Variants in ARHGEF33 observed in about 807,000 individuals in gnomAD.
The protein encoded by ARHGEF33 is Rho guanine nucleotide exchange factor 33.
A neutral mutation model predicts 101.9 loss-of-function variants in ARHGEF33; 72 were observed. The observed-to-expected ratio is 0.71, with a 90% confidence interval of 0.58 to 0.86. The LOEUF is 0.86. Among genes scored for constraint, ARHGEF33 ranks in the 40% least tolerant of loss-of-function variants. ARHGEF33 has a pLI of 0.00. For missense variants in ARHGEF33, 1,169 were observed against 1,111.3 expected, an observed-to-expected ratio of 1.05 and a Z score of -0.74; for synonymous variants, 499 against 442.5, an observed-to-expected ratio of 1.13 and a Z score of -1.60.
At chr2:38,958,314 T>C (rs1157232237) in intron 15 of ARHGEF33, 116 bp downstream of exon 15, 3 of 1,314,482 alleles carry the variant, frequency 2.3e-6, no homozygotes, top group Non-Finnish European at 3.1e-6. Context: ...CAGGCCTATA[T>C]GTGCCAACCA....
At chr2:38,894,812 A>C (rs1484223856) in intron 1 of ARHGEF33, among the ~76,000 whole-genome samples, 1 of 152,216 alleles carries the variant, frequency 6.6e-6, no homozygotes, top group Non-Finnish European at 1.5e-5. Flanking sequence ...ACAGTCTTTT[A>C]ACTGGGTTTC....
chr2:38,967,431 C>G (rs949374541), intron 17 of ARHGEF33, among the ~76,000 whole-genome samples: 29 of 152,226 alleles, frequency 1.9e-4, no homozygotes, highest in South Asian at 4.1e-4. Flanking sequence ...ACCCACCTTA[C>G]TCAGGATTTG....
Position 38,933,709 on chromosome 2 carries a change from A to G in ARHGEF33, c.506-2066A>G, listed in dbSNP as rs79410313. On this transcript the variant is annotated intron_variant, in intron 7 of 17. Coordinates refer to ENST00000409978, the MANE Select transcript of ARHGEF33 (RefSeq NM_001145451.5). ...TTTATAACCTAATCTTAGAAATGGT[A>G]TTCCATTTTTTCTGTCATATTCTAT... Among the ~76,000 whole-genome samples, 21 of 152,308 alleles carry G rather than the reference A, an allele frequency of 1.4e-4. No individual in the cohort carries two copies. In the East Asian group the frequency reaches 3.9e-3, roughly 28 times the overall value.
At chr2:38,939,117 C>G (rs1455885525) in intron 9 of ARHGEF33, among the ~76,000 whole-genome samples, 1 of 152,064 alleles carries the variant, frequency 6.6e-6, no homozygotes, top group African/African-American at 2.4e-5. Context: ...GGATTACAGG[C>G]GTGCACCACC....
Position 38,960,594 on chromosome 2 carries a change from C to T in ARHGEF33, c.2289C>T (p.Phe763=), listed in dbSNP as rs1176306720. The T allele has an allele frequency of 2.1e-6, 3 of 1,398,466 alleles. No individual in the cohort carries two copies. Among genetic ancestry groups the T allele is most frequent in the East Asian group, 3.8e-5 (1 of 26,428 alleles). 86.6% of individuals were successfully genotyped at this position (1,398,466 alleles called of 1,614,324 possible). The change falls in exon 16 of 18, where the codon TTC becomes TTT. Residue 763 remains phenylalanine (F), a synonymous_variant. Transcript: ENST00000409978. ...AVAARGASRT[F]FPQQRSQSEK... ...CCGCCCGCGGCGCATCCAGGACCTT[C>T]TTCCCCCAACAGAGGTCCCAAAGCG...
At position 38,973,793 on chromosome 2, in the gene ARHGEF33, A is replaced by G. The variant is rs745619158; in HGVS notation, c.2563A>G (p.Arg855Gly). 4 of 1,549,510 alleles carry G rather than the reference A, an allele frequency of 2.6e-6. No homozygotes were observed. Among genetic ancestry groups the G allele is most frequent in the Non-Finnish European group, 2.6e-6 (3 of 1,146,336 alleles). ...TTCACCCACCAAACAAGATTTCTTC[A>G]GAAACCGACTTGCTCTTGCAAATGA... The part of the protein sequence containing the change: ...DPSPTKQDFF[R>G]NRLALANDLD... Residue 855 changes from arginine to glycine, a missense_variant, in exon 18 of 18, where the codon AGA becomes GGA. Arg to Gly is a moderately radical substitution (Grantham distance 125). Transcript: ENST00000409978.
chr2:38,916,378 C>G (rs1356304211), intron 2 of ARHGEF33, among the ~76,000 whole-genome samples: 1 of 152,146 alleles, frequency 6.6e-6, no homozygotes, highest in Non-Finnish European at 1.5e-5. Context: ...AAATGAAGAA[C>G]TTGGATAGAA....
At chr2:38,923,195 G>C (rs1442960124) in intron 4 of ARHGEF33, among the ~76,000 whole-genome samples, 1 of 152,144 alleles carries the variant, frequency 6.6e-6, no homozygotes, top group African/African-American at 2.4e-5. Flanking sequence ...CAAAGCAATG[G>C]AAGTGAAGTT....
intron 10 of ARHGEF33, among the ~76,000 whole-genome samples, chr2:38,946,374 G>A (rs1667451337): frequency 6.6e-6 from 1 of 152,166 alleles, no homozygotes; most frequent in Admixed American, 6.5e-5. Flanking sequence ...TAAGATCATA[G>A]TTATTTCAAG....
rs1212899025 is a variant in ARHGEF33 at position 38,950,995 on chromosome 2, C to T, written c.927C>T (p.Phe309=). The change falls in exon 11 of 18, where the codon TTC becomes TTT. Residue 309 remains phenylalanine (F), a synonymous_variant. Coordinates refer to ENST00000409978, the MANE Select transcript of ARHGEF33 (RefSeq NM_001145451.5). ...GKRNSKERSL[F]PGSLRYLVQQ... ...GTCTCTATTCTGTTTCAAGCCTCTT[C>T]CCTGGCTCTTTACGGTACCTCGTCC... 1 of 1,552,150 alleles carries T rather than the reference C, an allele frequency of 6.4e-7. No homozygotes were observed. Among genetic ancestry groups the T allele is most frequent in the South Asian group, 1.2e-5 (1 of 84,004 alleles).
At chr2:38,966,895 C>G (rs543754329) in intron 17 of ARHGEF33, among the ~76,000 whole-genome samples, 1 of 152,290 alleles carries the variant, frequency 6.6e-6, no homozygotes, top group African/African-American at 2.4e-5. Context: ...CCAGTCCAGC[C>G]ACTGCCTGCC....
intron 2 of ARHGEF33, among the ~76,000 whole-genome samples, chr2:38,918,451 G>C (rs1666683030): frequency 6.6e-6 from 1 of 152,160 alleles, no homozygotes; most frequent in Non-Finnish European, 1.5e-5. Flanking sequence ...GGAGGCATCT[G>C]ATCAAGTCTC....
chr2:38,966,148 G>A lies in ARHGEF33; in HGVS notation c.2483+3G>A. 6.4e-7 allele frequency: 1 copy of A among 1,551,418 alleles called. No homozygotes were observed. The highest frequency in any genetic ancestry group is 8.7e-7 in the Non-Finnish European group (1 of 1,146,920). On this transcript the variant is annotated splice_donor_region_variant and intron_variant, in intron 17 of 17. Coordinates refer to ENST00000409978, the MANE Select transcript of ARHGEF33 (RefSeq NM_001145451.5). Reference sequence around the variant, plus strand: ...TTCCGCAAGCTCTTTAAAAAGAAGTGAGTAGCCCTTAGACAAGACAGCATT... The same window carrying A: ...TTCCGCAAGCTCTTTAAAAAGAAGTAAGTAGCCCTTAGACAAGACAGCATT...
chr2:38,963,776 A>C (rs893261260), intron 16 of ARHGEF33, among the ~76,000 whole-genome samples: 1 of 152,130 alleles, frequency 6.6e-6, no homozygotes, highest in Admixed American at 6.5e-5. Context: ...AGAATTTAGG[A>C]TCATTCGCGG....
At position 38,973,937 on chromosome 2, in the gene ARHGEF33, T is replaced by G. The variant is rs1275066921; in HGVS notation, c.*94T>G. 2.7e-6 allele frequency: 2 copies of G among 735,352 alleles called. No individual in the cohort carries two copies. Among genetic ancestry groups the G allele is most frequent in the East Asian group, 1.2e-4 (2 of 16,268 alleles). 45.6% of individuals were successfully genotyped at this position (735,352 alleles called of 1,614,324 possible). ...ATATATATATATATCTATATCTATA[T>G]ATATATATATATCGATGTATAAATC... On this transcript the variant is annotated 3_prime_UTR_variant, in exon 18 of 18. Transcript: ENST00000409978.
intron 4 of ARHGEF33, among the ~76,000 whole-genome samples, chr2:38,923,475 C>G (rs1279952557): frequency 6.6e-6 from 1 of 152,072 alleles, no homozygotes; most frequent in Admixed American, 6.6e-5. Context: ...CTGGATAGAT[C>G]TTATCCCATC....
At chr2:38,945,925 C>G (rs866919194) in intron 10 of ARHGEF33, among the ~76,000 whole-genome samples, 1 of 152,174 alleles carries the variant, frequency 6.6e-6, no homozygotes, top group Non-Finnish European at 1.5e-5. Context: ...GGGATTCAAA[C>G]GCAAGCCTGC....
chr2:38,959,587 T>G, intron 15 of ARHGEF33: 1 of 416,398 alleles, frequency 2.4e-6, no homozygotes, highest in Non-Finnish European at 4.3e-6. Flanking sequence ...CGCGGGGTGA[T>G]GACAGTCCCT....
intron 1 of ARHGEF33, among the ~76,000 whole-genome samples, 164 bp downstream of exon 1, chr2:38,890,150 G>T (rs1665964728): frequency 6.6e-6 from 1 of 152,152 alleles, no homozygotes. Flanking sequence ...TTATTTAAGA[G>T]TTATAACAAT....
Sources: allele counts gnomAD v4.1 joint callset (sites outside exome capture counted in the v4.1 genomes callset), GRCh38; gene constraint gnomAD v4.1.1; transcripts MANE v1.5; gene names NCBI Gene and HGNC (gene_info 2026-07-23, HGNC 2026-07-21).